The following ATXN7 variants were observed in gnomAD, a reference collection of about 807,000 sequenced individuals.
ATXN7 encodes the protein ataxin 7.
In ATXN7, 12 loss-of-function variants were observed where a neutral mutation model predicts 70.5. That is an observed-to-expected ratio of 0.17 (90% CI 0.11 to 0.28). The LOEUF is 0.28. ATXN7 is among the 10% of genes least tolerant of loss of function. ATXN7 has a pLI of 1.00. For missense variants in ATXN7, 1,256 were observed against 1,131.7 expected (o/e 1.11, Z -1.58); for synonymous variants, 498 against 448.7 (o/e 1.11, Z -1.39).
At position 63,966,723 on chromosome 3, in the gene ATXN7, A is replaced by G. The variant is rs1030864615; in HGVS notation, c.500-13192A>G. On this transcript the variant is annotated intron_variant, in intron 5 of 12. Coordinates refer to ENST00000674280, the MANE Select transcript of ATXN7 (RefSeq NM_001377405.1). ...ATTTGGTCTAATAGAAGCCGTTTTC[A>G]TGCCTCTCTCAGAACTCTTCCCCGC... Among the ~76,000 whole-genome samples, 64 of 152,320 alleles carry G rather than the reference A, an allele frequency of 4.2e-4. 1 individual carries two copies. Among genetic ancestry groups the G allele is most frequent in the African/African-American group, 1.5e-3 (62 of 41,562 alleles).
At chr3:63,993,996 C>T (rs1390801053) in intron 11 of ATXN7, among the ~76,000 whole-genome samples, 1 of 152,200 alleles carries the variant, frequency 6.6e-6, no homozygotes, top group Non-Finnish European at 1.5e-5. Flanking sequence ...TGCCACCCTC[C>T]TCTATGAGTA....
At chr3:63,911,191 A>AT (rs1157927664) in intron 2 of ATXN7, among the ~76,000 whole-genome samples, 1 of 152,194 alleles carries the variant, frequency 6.6e-6, no homozygotes, top group East Asian at 1.9e-4. Context: ...CAGGCTTCAA[A>AT]TTTTCACATC....
chr3:63,912,935 C>T lies in ATXN7; in HGVS notation c.325+12C>T. On this transcript the variant is annotated intron_variant, in intron 3 of 12. Transcript: ENST00000674280. ...TCCTGGGAAGGACGGTGAGTGTCCA[C>T]GCCCTCCTCCCCCCTTCACCCCCTC... The T allele has an allele frequency of 1.9e-6, 3 of 1,605,612 alleles. No homozygotes were observed. Among genetic ancestry groups the T allele is most frequent in the Admixed American group, 1.7e-5 (1 of 59,740 alleles).
At chr3:63,923,900 A>G (rs1433779238) in intron 4 of ATXN7, among the ~76,000 whole-genome samples, 1 of 152,194 alleles carries the variant, frequency 6.6e-6, no homozygotes, top group Non-Finnish European at 1.5e-5. Context: ...GTTAGACTGT[A>G]GAGGCCAAGG....
At chr3:63,876,874 A>ATGGC in intron 1 of ATXN7, among the ~76,000 whole-genome samples, 1 of 152,350 alleles carries the variant, frequency 6.6e-6, no homozygotes, top group East Asian at 1.9e-4. Context: ...TATCATCTGC[A>ATGGC]TGGCGTTCTT....
chr3:63,982,381 C>T lies in ATXN7; in HGVS notation c.948C>T (p.Pro316=), dbSNP rs2075503777. The change falls in exon 7 of 13, where the codon CCC becomes CCT. Residue 316 remains proline (P), a synonymous_variant. Coordinates refer to ENST00000674280, the MANE Select transcript of ATXN7 (RefSeq NM_001377405.1). ...ILNGKGLPAP[P]TLEKKPEDNS... Reference sequence around the variant, plus strand: ...ATGGCAAAGGGCTTCCTGCACCGCCCACTCTGGAAAAGAAACCTGAAGACA... The same window carrying T: ...ATGGCAAAGGGCTTCCTGCACCGCCTACTCTGGAAAAGAAACCTGAAGACA... 1 of 1,613,894 alleles carries T rather than the reference C, an allele frequency of 6.2e-7. No individual in the cohort carries two copies. The highest frequency in any genetic ancestry group is 2.2e-5 in the East Asian group (1 of 44,884).
chr3:63,939,624 C>T (rs1282771224), intron 4 of ATXN7, among the ~76,000 whole-genome samples: 2 of 152,042 alleles, frequency 1.3e-5, no homozygotes, highest in African/African-American at 4.8e-5. Context: ...GCAAATTAAC[C>T]CCAAAGGCTT....
At chr3:63,998,081 C>T in intron 12 of ATXN7, 1 of 985,256 alleles carries the variant, frequency 1.0e-6, no homozygotes, top group Non-Finnish European at 1.2e-6. Flanking sequence ...ACATGATCCC[C>T]ACGGAAGGGG....
intron 2 of ATXN7, chr3:63,905,960 G>A (rs1313986252): frequency 1.3e-5 from 2 of 152,202 alleles, no homozygotes; most frequent in Non-Finnish European, 2.9e-5. Flanking sequence ...GTGTTTCTAG[G>A]AAGAAAGGTT....
chr3:63,985,044 T>C (rs2106770151), intron 8 of ATXN7, among the ~76,000 whole-genome samples: 1 of 152,362 alleles, frequency 6.6e-6, no homozygotes, highest in South Asian at 2.1e-4. Context: ...GACAGACATT[T>C]ATATTGTTTC....
chr3:63,925,066 G>A (rs1704663005), intron 4 of ATXN7, among the ~76,000 whole-genome samples: 1 of 152,196 alleles, frequency 6.6e-6, no homozygotes, highest in East Asian at 1.9e-4. Flanking sequence ...GATGGAATCA[G>A]AGACTTTATC....
At chr3:63,991,587 G>C (rs1042230322) in intron 11 of ATXN7, among the ~76,000 whole-genome samples, 1 of 152,118 alleles carries the variant, frequency 6.6e-6, no homozygotes, top group Admixed American at 6.5e-5. Flanking sequence ...AAGACAGTTT[G>C]TTGAAGAAAT....
chr3:63,992,772 C>T (rs2075692397), intron 11 of ATXN7, among the ~76,000 whole-genome samples: 1 of 152,154 alleles, frequency 6.6e-6, no homozygotes. Context: ...AAAAAGTCTA[C>T]AGCAACAAGG....
intron 5 of ATXN7, among the ~76,000 whole-genome samples, chr3:63,973,929 A>G (rs986338560): frequency 6.6e-6 from 1 of 152,156 alleles, no homozygotes; most frequent in Non-Finnish European, 1.5e-5. Flanking sequence ...CAATTTGGAA[A>G]GGGTAAGTAT....
At chr3:63,866,502 C>T (rs971321554) in intron 1 of ATXN7, among the ~76,000 whole-genome samples, 5 of 152,128 alleles carry the variant, frequency 3.3e-5, no homozygotes, top group African/African-American at 9.7e-5. Flanking sequence ...GCGATCCTCC[C>T]GCCTCAGCCT....
At chr3:63,999,357 C>A in intron 12 of ATXN7, 93 bp from the exon 13 acceptor site, 1 of 1,062,308 alleles carries the variant, frequency 9.4e-7, no homozygotes, top group African/African-American at 1.6e-5. Context: ...TAGCGTGCAG[C>A]CTTTGGAATA....
At chr3:63,920,920 ATG>A (rs1417493889) in intron 4 of ATXN7, among the ~76,000 whole-genome samples, 1 of 152,210 alleles carries the variant, frequency 6.6e-6, no homozygotes, top group African/African-American at 2.4e-5. Flanking sequence ...TTTCTAATAA[ATG>A]TGCCCCTCTG....
chr3:63,999,341 C>A, intron 12 of ATXN7, 109 bp from the exon 13 acceptor site: 1 of 917,764 alleles, frequency 1.1e-6, no homozygotes. Context: ...TCAATGGAGA[C>A]TTTAGTAGCG....
intron 4 of ATXN7, among the ~76,000 whole-genome samples, chr3:63,931,264 G>T (rs1384276165): frequency 6.6e-6 from 1 of 152,074 alleles, no homozygotes; most frequent in East Asian, 1.9e-4. Flanking sequence ...CTGATTTATT[G>T]TTTCTAGTGC....
Sources: allele counts gnomAD v4.1 joint callset (sites outside exome capture counted in the v4.1 genomes callset), GRCh38; gene constraint gnomAD v4.1.1; transcripts MANE v1.5; gene names NCBI Gene and HGNC (gene_info 2026-07-23, HGNC 2026-07-21).